TIAM1: variants seen among roughly 807,000 people sequenced by gnomAD.
TIAM1 encodes TIAM Rac1 associated GEF 1.
In TIAM1, 65 loss-of-function variants were observed where a neutral mutation model predicts 163.5. The ratio of observed to expected loss-of-function variants is 0.40; its 90% CI spans 0.33 to 0.49. The LOEUF (loss-of-function observed/expected upper bound fraction) is 0.49. Ranked by LOEUF, TIAM1 falls within the 20% of genes least tolerant of loss-of-function variation. TIAM1 has a pLI of 0.77. For missense variants in TIAM1, 1,789 were observed against 2,044.7 expected (o/e 0.87, Z 2.41); for synonymous variants, 833 against 810.1 (o/e 1.03, Z -0.48).
At chr21:31,345,379 A>C (rs1214321978), upstream of TIAM1, among the ~76,000 whole-genome samples, 4 of 151,946 alleles carry the variant, frequency 2.6e-5, no homozygotes, top group Non-Finnish European at 5.9e-5. Context: ...GCCTGGAAAC[A>C]GTACTCTAAA....
chr21:31,155,428 G>A (rs1400459708), intron 16 of TIAM1, among the ~76,000 whole-genome samples: 1 of 152,182 alleles, frequency 6.6e-6, no homozygotes, highest in Non-Finnish European at 1.5e-5. Context: ...TGCTCTAGAG[G>A]CTATGTAGTA....
intron 1 of TIAM1, among the ~76,000 whole-genome samples, chr21:31,500,122 AC>A (rs1569389321): frequency 1.3e-5 from 2 of 151,530 alleles, no homozygotes; most frequent in Non-Finnish European, 2.9e-5. Flanking sequence ...CCAAGATCGC[AC>A]CATTGCACTC....
At chr21:31,354,732 C>T (rs1425105109) in intron 2 of TIAM1, among the ~76,000 whole-genome samples, 1 of 152,130 alleles carries the variant, frequency 6.6e-6, no homozygotes, top group Non-Finnish European at 1.5e-5. Flanking sequence ...GGAGGAGGCT[C>T]AGCCAGCAAG....
intron 2 of TIAM1, among the ~76,000 whole-genome samples, chr21:31,391,540 G>A (rs1054263022): frequency 3.3e-5 from 5 of 152,026 alleles, no homozygotes; most frequent in Non-Finnish European, 7.4e-5. Flanking sequence ...CAGGAGAATC[G>A]CTTGAACCCA....
At chr21:31,557,679 C>T (rs1448437856) in intron 1 of TIAM1, among the ~76,000 whole-genome samples, 7 of 152,224 alleles carry the variant, frequency 4.6e-5, no homozygotes, top group Non-Finnish European at 2.9e-5. Context: ...GGCACAGCTG[C>T]CCTGCGGGGC....
At chr21:31,558,894 G>T (rs1321141136) in intron 1 of TIAM1, 6 of 152,024 alleles carry the variant, frequency 3.9e-5, no homozygotes, top group Admixed American at 6.5e-5. Context: ...GCTCCGGCCG[G>T]ACGCCCGCGC....
intron 2 of TIAM1, among the ~76,000 whole-genome samples, chr21:31,317,083 G>A (rs1221538930): frequency 6.6e-6 from 1 of 152,200 alleles, no homozygotes; most frequent in Non-Finnish European, 1.5e-5. Flanking sequence ...CAGAAATTAA[G>A]CAGGAAAAAG....
intron 1 of TIAM1, among the ~76,000 whole-genome samples, chr21:31,341,423 C>A (rs978871896): frequency 6.6e-6 from 1 of 152,180 alleles, no homozygotes; most frequent in Non-Finnish European, 1.5e-5. Context: ...TGCTCAGACT[C>A]ATGCATTAAA....
At chr21:31,370,167 C>G (rs1010893956) in intron 2 of TIAM1, among the ~76,000 whole-genome samples, 1 of 152,062 alleles carries the variant, frequency 6.6e-6, no homozygotes. Flanking sequence ...TCTAAGTTAC[C>G]CAGATTAGGG....
chr21:31,202,301 C>A (rs1440868259), intron 12 of TIAM1, among the ~76,000 whole-genome samples: 5 of 151,678 alleles, frequency 3.3e-5, no homozygotes, highest in Non-Finnish European at 7.4e-5. Context: ...CCTGTAATTC[C>A]AGCACTTTGG....
intron 1 of TIAM1, among the ~76,000 whole-genome samples, chr21:31,551,848 A>G (rs1032916503): frequency 6.6e-6 from 1 of 152,206 alleles, no homozygotes; most frequent in Non-Finnish European, 1.5e-5. Context: ...ATTAAATCAT[A>G]TATTCATACT....
intron 1 of TIAM1, among the ~76,000 whole-genome samples, chr21:31,503,896 C>T (rs8133563): frequency 0.061 from 9,333 of 151,832 alleles, 746 homozygotes; most frequent in African/African-American, 0.18. Context: ...ACCCCTTCCA[C>T]GTCCAAAATT....
intron 1 of TIAM1, among the ~76,000 whole-genome samples, chr21:31,512,476 G>A (rs1291149008): frequency 1.3e-5 from 2 of 152,014 alleles, no homozygotes; most frequent in South Asian, 2.1e-4. Flanking sequence ...TGAAAACTAC[G>A]GACACAGCCC....
chr21:31,514,901 G>A (rs967097014), intron 1 of TIAM1, among the ~76,000 whole-genome samples: 1 of 152,222 alleles, frequency 6.6e-6, no homozygotes, highest in African/African-American at 2.4e-5. Flanking sequence ...GCGGAAAGCC[G>A]ATGTTAGGAG....
chr21:31,462,221 C>T (rs946386258), intron 2 of TIAM1, among the ~76,000 whole-genome samples: 6 of 152,132 alleles, frequency 3.9e-5, no homozygotes, highest in African/African-American at 1.4e-4. Flanking sequence ...CAAGAAAGCG[C>T]AGCTATAAAT....
intron 2 of TIAM1, among the ~76,000 whole-genome samples, chr21:31,324,407 T>C (rs2075418216): frequency 1.3e-5 from 2 of 152,174 alleles, no homozygotes; most frequent in Non-Finnish European, 1.5e-5. Context: ...CTGTCCATGA[T>C]GGTGATAACA....
chr21:31,233,483 T>C (rs116564988), intron 6 of TIAM1, among the ~76,000 whole-genome samples: 2,064 of 152,202 alleles, frequency 0.014, 57 homozygotes, highest in African/African-American at 0.046. Flanking sequence ...TGAGGTGAGA[T>C]CACTTGAGAT....
chr21:31,349,981 A>G (rs2076207960), intron 2 of TIAM1, among the ~76,000 whole-genome samples: 1 of 152,254 alleles, frequency 6.6e-6, no homozygotes, highest in Admixed American at 6.5e-5. Context: ...GACAATTTTC[A>G]ATCAGGAAAT....
intron 1 of TIAM1, among the ~76,000 whole-genome samples, chr21:31,521,643 G>A (rs187464331): frequency 4.8e-4 from 73 of 152,010 alleles, no homozygotes; most frequent in Non-Finnish European, 8.7e-4. Flanking sequence ...AAGCTGAGGT[G>A]GAAGGATTGC....
Sources: gnomAD v4.1 joint callset for allele counts (sites outside exome capture counted in the v4.1 genomes callset) on GRCh38, gnomAD v4.1.1 for gene constraint, MANE v1.5 for transcripts, NCBI Gene and HGNC (gene_info 2026-07-23, HGNC 2026-07-21) for gene names.